The following WWTR1 variants were observed in gnomAD, a reference collection of about 807,000 sequenced individuals.
WWTR1 encodes the protein WW domain-containing transcription regulator protein 1.
WWTR1 carries 13 observed loss-of-function variants against 40.1 expected under a neutral mutation model. That is an observed-to-expected ratio of 0.32 (90% confidence interval 0.21 to 0.52). The LOEUF (loss-of-function observed/expected upper bound fraction) is 0.52, where lower values mean the gene tolerates loss of function less well. WWTR1 is among the 20% of genes least tolerant of loss of function. The pLI is 0.97. For synonymous variants in WWTR1, 230 were observed against 210.1 expected (o/e 1.09, Z -0.82); for missense variants, 436 against 523.1 (o/e 0.83, Z 1.63).
At chr3:149,571,907 A>C (rs980483459) in intron 3 of WWTR1, among the ~76,000 whole-genome samples, 2 of 142,270 alleles carry the variant, frequency 1.4e-5, no homozygotes, top group African/African-American at 6.3e-5. Flanking sequence ...ATGATTACCA[A>C]AAAAGCTGAC....
intron 2 of WWTR1, among the ~76,000 whole-genome samples, chr3:149,585,370 G>A (rs1266571937): frequency 6.6e-6 from 1 of 152,046 alleles, no homozygotes; most frequent in Non-Finnish European, 1.5e-5. Flanking sequence ...CCTGACCTCA[G>A]GTGATCTGCC....
intron 1 of WWTR1, among the ~76,000 whole-genome samples, chr3:149,689,512 A>G (rs1377713590): frequency 2.0e-5 from 3 of 152,006 alleles, no homozygotes; most frequent in Non-Finnish European, 4.4e-5. Flanking sequence ...AAAGCAGCAA[A>G]AGAAAAGAAA....
chr3:149,622,492 AGGAAGGAAGG>A (rs1740335242), intron 2 of WWTR1, among the ~76,000 whole-genome samples: 1 of 138,854 alleles, frequency 7.2e-6, no homozygotes, highest in African/African-American at 2.8e-5. Context: ...GAAGGAAGGA[AGGAAGGAAGG>A]AAGAAAGAAA....
At chr3:149,592,083 A>G (rs1190156000) in intron 2 of WWTR1, among the ~76,000 whole-genome samples, 1 of 152,222 alleles carries the variant, frequency 6.6e-6, no homozygotes, top group African/African-American at 2.4e-5. Flanking sequence ...GATGTTCTAT[A>G]AAACATCAGT....
intron 1 of WWTR1, among the ~76,000 whole-genome samples, chr3:149,673,217 T>A (rs959146656): frequency 4.0e-5 from 6 of 151,832 alleles, no homozygotes; most frequent in Non-Finnish European, 8.8e-5. Flanking sequence ...CTCTGTTTTT[T>A]AAAAAAAATA....
At chr3:149,621,381 C>A (rs1173614514) in intron 2 of WWTR1, among the ~76,000 whole-genome samples, 1 of 151,818 alleles carries the variant, frequency 6.6e-6, no homozygotes, top group East Asian at 1.9e-4. Flanking sequence ...AAGCAGAAAA[C>A]CACAGTGCCC....
Position 149,657,043 on chromosome 3 carries a change from G to A in WWTR1, c.264C>T (p.His88=), listed in dbSNP as rs1176330266. 5.1e-6 allele frequency: 8 copies of A among 1,579,824 alleles called. No individual in the cohort carries two copies. In the East Asian group the frequency reaches 1.8e-4, roughly 36 times the overall value. Residue 88 remains histidine (H), a synonymous_variant, in exon 2 of 7, where the codon CAC becomes CAT. Transcript: ENST00000360632. ...CCAGCTGCAGGGACGCGGGCGACGA[G>A]TGCGAGCGGACATGCTGGGCACCCC... ...LAGGAQHVRS[H]SSPASLQLGT...
intron 2 of WWTR1, among the ~76,000 whole-genome samples, chr3:149,606,119 T>C (rs1418037309): frequency 1.3e-5 from 2 of 152,176 alleles, no homozygotes; most frequent in African/African-American, 2.4e-5. Flanking sequence ...TAGGCCCTCA[T>C]AAGACACCAC....
intron 1 of WWTR1, among the ~76,000 whole-genome samples, chr3:149,672,912 A>T (rs1367004506): frequency 1.3e-5 from 2 of 151,706 alleles, no homozygotes; most frequent in Non-Finnish European, 2.9e-5. Context: ...GCCTCTGAGG[A>T]GCTGGGACTA....
intron 2 of WWTR1, among the ~76,000 whole-genome samples, chr3:149,612,765 C>T (rs983953682): frequency 3.9e-5 from 6 of 152,128 alleles, no homozygotes; most frequent in Non-Finnish European, 5.9e-5. Context: ...GATCAGAATT[C>T]CTGCACTCGT....
At chr3:149,722,670 T>A (rs1015987577) in intron 4 of WWTR1, among the ~76,000 whole-genome samples, 1 of 152,062 alleles carries the variant, frequency 6.6e-6, no homozygotes, top group African/African-American at 2.4e-5. Flanking sequence ...TATGTTGATC[T>A]GCTTGATGGT....
At chr3:149,628,737 T>TTTTATTTTATTTTATTTTA (rs1553801365) in intron 2 of WWTR1, among the ~76,000 whole-genome samples, 11 of 144,746 alleles carry the variant, frequency 7.6e-5, no homozygotes, top group African/African-American at 2.9e-4. Context: ...CTTTTTATTT[T>TTTTATTTTATTTTATTTTA]TTTTATTTTA....
intron 1 of WWTR1, among the ~76,000 whole-genome samples, chr3:149,696,309 T>C (rs1714989708): frequency 1.3e-5 from 2 of 152,068 alleles, no homozygotes; most frequent in Admixed American, 6.6e-5. Flanking sequence ...CCCAAGGTTG[T>C]ACCTGGAAAG....
At chr3:149,695,968 C>T (rs1164176801) in intron 1 of WWTR1, among the ~76,000 whole-genome samples, 1 of 149,778 alleles carries the variant, frequency 6.7e-6, no homozygotes, top group Non-Finnish European at 1.5e-5. Context: ...AAAAAATTAG[C>T]CGGGTGTGGT....
At chr3:149,578,741 T>C (rs892368841) in intron 2 of WWTR1, among the ~76,000 whole-genome samples, 1 of 151,926 alleles carries the variant, frequency 6.6e-6, no homozygotes, top group African/African-American at 2.4e-5. Flanking sequence ...CTACTAAAAA[T>C]ACAAAATTAG....
chr3:149,691,577 T>A (rs1714827747), intron 1 of WWTR1, among the ~76,000 whole-genome samples: 1 of 151,820 alleles, frequency 6.6e-6, no homozygotes, highest in South Asian at 2.1e-4. Flanking sequence ...AATAAATTCC[T>A]AGAAACACAC....
At chr3:149,724,430 A>T (rs1178863351) in intron 3 of WWTR1, among the ~76,000 whole-genome samples, 2 of 152,062 alleles carry the variant, frequency 1.3e-5, no homozygotes, top group African/African-American at 4.8e-5. Context: ...GACTAAATTA[A>T]CAGGCTCTCT....
At chr3:149,539,947 C>T (rs1736011599) in intron 4 of WWTR1, among the ~76,000 whole-genome samples, 1 of 152,098 alleles carries the variant, frequency 6.6e-6, no homozygotes, top group African/African-American at 2.4e-5. Flanking sequence ...CAGGAGCATG[C>T]TGCTTCTGCA....
chr3:149,666,761 G>A (rs557305525), intron 2 of WWTR1, among the ~76,000 whole-genome samples: 38 of 152,260 alleles, frequency 2.5e-4, no homozygotes, highest in African/African-American at 8.9e-4. Context: ...AGAGCACCAG[G>A]ACTCAACCCC....
Sources: allele counts gnomAD v4.1 joint callset (sites outside exome capture counted in the v4.1 genomes callset), GRCh38; gene constraint gnomAD v4.1.1; transcripts MANE v1.5; gene names NCBI Gene and HGNC (gene_info 2026-07-23, HGNC 2026-07-21).